The following PRMT3 variants were observed in gnomAD, a reference collection of about 807,000 sequenced individuals.
PRMT3 encodes the protein protein arginine methyltransferase 3.
A neutral mutation model predicts 71.9 loss-of-function variants in PRMT3; 62 were observed. That is an observed-to-expected ratio of 0.86 (90% CI 0.70 to 1.07). The LOEUF (loss-of-function observed/expected upper bound fraction) is 1.07. PRMT3 is among the 50% of genes least tolerant of loss of function. PRMT3 has a pLI of 0.00. For synonymous variants in PRMT3, 213 were observed against 220.4 expected (o/e 0.97, Z 0.30); for missense variants, 663 against 643.0 (o/e 1.03, Z -0.34).
intron 7 of PRMT3, among the ~76,000 whole-genome samples, chr11:20,400,105 C>T (rs940917717): frequency 1.8e-4 from 28 of 152,134 alleles, no homozygotes; most frequent in Admixed American, 1.6e-3. Context: ...TTTCTTAGAA[C>T]GATTCTTAGC....
At chr11:20,461,277 T>C (rs961954442) in intron 11 of PRMT3, among the ~76,000 whole-genome samples, 3 of 152,166 alleles carry the variant, frequency 2.0e-5, no homozygotes, top group East Asian at 1.9e-4. Context: ...TCTTATCTTA[T>C]ATATTATCCC....
chr11:20,434,147 A>G (rs1020483796), intron 10 of PRMT3, among the ~76,000 whole-genome samples: 2 of 152,084 alleles, frequency 1.3e-5, no homozygotes, highest in Non-Finnish European at 1.5e-5. Flanking sequence ...GCTTTTCTTC[A>G]TATGCTTGTT....
intron 9 of PRMT3, among the ~76,000 whole-genome samples, chr11:20,422,463 C>A (rs147800800): frequency 6.6e-6 from 1 of 152,280 alleles, no homozygotes; most frequent in East Asian, 1.9e-4. Flanking sequence ...GAAAAACTCT[C>A]TCTTGCCACC....
intron 10 of PRMT3, 97 bp downstream of exon 10, chr11:20,426,962 A>G: frequency 5.0e-6 from 7 of 1,405,382 alleles, no homozygotes; most frequent in Non-Finnish European, 6.5e-6. Context: ...GATACATGGC[A>G]GAATGGTGAC....
chr11:20,435,345 G>A (rs1443195895), intron 10 of PRMT3, among the ~76,000 whole-genome samples: 1 of 152,144 alleles, frequency 6.6e-6, no homozygotes, highest in Non-Finnish European at 1.5e-5. Flanking sequence ...GGGACTACAG[G>A]TGTGCGCCAC....
chr11:20,478,569 G>A (rs1850853412), intron 13 of PRMT3, among the ~76,000 whole-genome samples: 1 of 151,274 alleles, frequency 6.6e-6, no homozygotes. Context: ...AAATGATAGA[G>A]ATATTTAAAA....
At chr11:20,413,697 G>A (rs1470386919) in intron 9 of PRMT3, among the ~76,000 whole-genome samples, 1 of 152,024 alleles carries the variant, frequency 6.6e-6, no homozygotes, top group African/African-American at 2.4e-5. Context: ...CTACTTTTTT[G>A]TCTTCTTTCT....
intron 10 of PRMT3, among the ~76,000 whole-genome samples, chr11:20,435,784 T>C (rs1037021195): frequency 6.6e-6 from 1 of 152,182 alleles, no homozygotes; most frequent in East Asian, 1.9e-4. Context: ...AGCTTTGCCG[T>C]TTTTGCTCAG....
At chr11:20,390,123 C>T (rs1848681128) in intron 3 of PRMT3, among the ~76,000 whole-genome samples, 1 of 150,012 alleles carries the variant, frequency 6.7e-6, no homozygotes, top group African/African-American at 2.5e-5. Context: ...TGCACTCCAG[C>T]CTGGGCAACA....
chr11:20,493,870 T>G, intron 13 of PRMT3, 49 bp from the exon 14 acceptor site: 1 of 1,259,910 alleles, frequency 7.9e-7, no homozygotes, highest in South Asian at 1.3e-5. Context: ...AGTTATTATA[T>G]TATGTAATTC....
At chr11:20,488,276 T>C (rs1226890122) in intron 13 of PRMT3, among the ~76,000 whole-genome samples, 3 of 152,210 alleles carry the variant, frequency 2.0e-5, no homozygotes, top group Non-Finnish European at 2.9e-5. Flanking sequence ...TCATGCTCTG[T>C]ATGTGGCAGC....
intron 9 of PRMT3, among the ~76,000 whole-genome samples, chr11:20,423,905 C>A (rs1338353247): frequency 1.6e-5 from 2 of 123,090 alleles, no homozygotes; most frequent in African/African-American, 3.6e-5. Flanking sequence ...AAAAAAAAGG[C>A]CAGGCGCGGT....
intron 13 of PRMT3, among the ~76,000 whole-genome samples, chr11:20,488,848 C>T (rs1029989076): frequency 6.6e-6 from 1 of 152,122 alleles, no homozygotes. Context: ...AAATGAACTG[C>T]ATTTACCTTT....
At chr11:20,396,386 C>A (rs1848826940) in intron 6 of PRMT3, among the ~76,000 whole-genome samples, 1 of 152,134 alleles carries the variant, frequency 6.6e-6, no homozygotes, top group South Asian at 2.1e-4. Flanking sequence ...CACCTGTAAT[C>A]TCAGCACTTT....
chr11:20,399,350 A>G (rs1848899181), intron 7 of PRMT3, among the ~76,000 whole-genome samples: 2 of 152,186 alleles, frequency 1.3e-5, no homozygotes, highest in African/African-American at 4.8e-5. Flanking sequence ...GGGGTCTTTT[A>G]AAACATTGTC....
chr11:20,482,008 A>G (rs992667604), intron 13 of PRMT3, among the ~76,000 whole-genome samples: 21 of 152,122 alleles, frequency 1.4e-4, no homozygotes, highest in Non-Finnish European at 2.8e-4. Flanking sequence ...GTTGCCTAGA[A>G]TAGTGGGAGG....
At chr11:20,392,083 CA>C in intron 3 of PRMT3, 127 bp from the exon 4 acceptor site, 2 of 836,648 alleles carry the variant, frequency 2.4e-6, no homozygotes, top group Non-Finnish European at 3.6e-6. Flanking sequence ...TAATAAAATT[CA>C]AAATATAAGT....
intron 13 of PRMT3, among the ~76,000 whole-genome samples, chr11:20,466,202 G>C (rs952002522): frequency 4.6e-5 from 7 of 152,144 alleles, no homozygotes; most frequent in Non-Finnish European, 8.8e-5. Context: ...GGTTTAAACT[G>C]AGAGATTTGT....
Position 20,493,903 on chromosome 11 carries a change from T to G in PRMT3, c.1348-16T>G. 6.5e-7 allele frequency: 1 copy of G among 1,535,816 alleles called. No individual in the cohort carries two copies. ...TTCATTTAGTAAGCATTTATATTTC[T>G]TTTTTTAAAAAACAGGCAATTGCTG... On this transcript the variant is annotated splice_polypyrimidine_tract_variant and intron_variant, in intron 13 of 15. Coordinates refer to ENST00000331079, the MANE Select transcript of PRMT3 (RefSeq NM_005788.4).
Sources: gnomAD v4.1 joint callset for allele counts (sites outside exome capture counted in the v4.1 genomes callset) on GRCh38, gnomAD v4.1.1 for gene constraint, MANE v1.5 for transcripts, NCBI Gene and HGNC (gene_info 2026-07-23, HGNC 2026-07-21) for gene names.